The following FAM149A variants were observed in gnomAD, a reference collection of about 807,000 sequenced individuals.
The protein encoded by FAM149A is family with sequence similarity 149 member A.
A neutral mutation model predicts 78.2 loss-of-function variants in FAM149A; 71 were observed. The ratio of observed to expected loss-of-function variants is 0.91; its 90% confidence interval spans 0.75 to 1.11. The LOEUF (loss-of-function observed/expected upper bound fraction) is 1.11, where lower values mean the gene tolerates loss of function less well. FAM149A is among the 50% of genes least tolerant of loss of function. FAM149A has a pLI of 0.00. For missense variants in FAM149A, 1,036 were observed against 971.0 expected (o/e 1.07, Z -0.89); for synonymous variants, 446 against 410.5 (o/e 1.09, Z -1.04).
intron 5 of FAM149A, among the ~76,000 whole-genome samples, chr4:186,154,216 C>A (rs1733844258): frequency 6.6e-6 from 1 of 152,172 alleles, no homozygotes. Flanking sequence ...ACAATGCAGT[C>A]CTTTCACTGC....
chr4:186,125,543 G>C (rs1424508124), intron 1 of FAM149A, among the ~76,000 whole-genome samples: 1 of 152,142 alleles, frequency 6.6e-6, no homozygotes, highest in African/African-American at 2.4e-5. Flanking sequence ...TATCCAAGCA[G>C]GGATGTCAAT....
intron 1 of FAM149A, chr4:186,127,278 G>A (rs528942850): frequency 7.1e-6 from 7 of 979,420 alleles, no homozygotes; most frequent in East Asian, 1.1e-4. Flanking sequence ...GGTTTCTTCC[G>A]GAGAGTTAGT....
chr4:186,105,348 TG>T lies in FAM149A; in HGVS notation c.276del (p.Thr93ProfsTer111). On this transcript the variant is annotated frameshift_variant, in exon 1 of 14. Transcript: ENST00000389354. LOFTEE classifies it high-confidence loss of function. ...GCCGCCAGCCGCGCCGCGGGAGCAGTGGGGACCCTGCTCTCTTGGCCCAGTA... is the reference window on the plus strand; with the variant it reads ...GCCGCCAGCCGCGCCGCGGGAGCAGTGGGACCCTGCTCTCTTGGCCCAGTA... 1 of 1,178,590 alleles carries T rather than the reference TG, an allele frequency of 8.5e-7. No homozygotes were observed. The highest frequency in any genetic ancestry group is 3.9e-5 in the Admixed American group (1 of 25,334). The allele number at this position is 1,178,590 out of a possible 1,614,324, so 73.0% of individuals were successfully genotyped here.
chr4:186,136,545 T>C (rs1305254339), intron 1 of FAM149A, among the ~76,000 whole-genome samples: 1 of 152,236 alleles, frequency 6.6e-6, no homozygotes, highest in Admixed American at 6.5e-5. Context: ...TTGAATAATG[T>C]ACTAATTCTA....
Position 186,154,476 on chromosome 4 carries a change from T to C in FAM149A, c.1067T>C (p.Ile356Thr), listed in dbSNP as rs371188963. 3.1e-6 allele frequency: 5 copies of C among 1,609,496 alleles called. No individual in the cohort carries two copies. In the African/African-American group the frequency reaches 6.7e-5, roughly 22 times the overall value. Reference sequence around the variant, plus strand: ...CTGTTTTTTTCCCATAGGTTGTGCATTTCTGGCTCTCAAATAGTCCCAGCA... The same window carrying C: ...CTGTTTTTTTCCCATAGGTTGTGCACTTCTGGCTCTCAAATAGTCCCAGCA... The change falls in exon 6 of 14, where the codon ATT becomes ACT. Residue 356 changes from isoleucine to threonine, a missense_variant. Coordinates refer to ENST00000389354, the MANE Select transcript of FAM149A (RefSeq NM_001367768.3).
In FAM149A at chr4:186,151,723, C is replaced by T. The variant is rs968818610; in HGVS notation, c.790-180C>T. 3 of 985,128 alleles carry T rather than the reference C, an allele frequency of 3.0e-6. No individual in the cohort carries two copies. The African/African-American group carries it at 5.2e-5, about 17-fold the overall frequency. The allele number at this position is 985,128 out of a possible 1,614,324, so 61.0% of individuals were successfully genotyped here. ...GAATCCGAGGCTCAGAATGAGATGG[C>T]ATTTCTCAGAAAGGTAACAGCTAGA... On this transcript the variant is annotated intron_variant, in intron 3 of 13. Transcript: ENST00000389354.
intron 11 of FAM149A, among the ~76,000 whole-genome samples, chr4:186,166,512 G>A (rs1342679578): frequency 6.6e-6 from 1 of 152,084 alleles, no homozygotes; most frequent in East Asian, 1.9e-4. Flanking sequence ...TTACCTGGAT[G>A]TGGTGGCACG....
intron 8 of FAM149A, among the ~76,000 whole-genome samples, chr4:186,159,677 C>G (rs2126508743): frequency 6.6e-6 from 1 of 152,176 alleles, no homozygotes; most frequent in South Asian, 2.1e-4. Context: ...CTACAGGGTC[C>G]AGCACATACT....
At chr4:186,137,051 C>T (rs2099323678) in intron 1 of FAM149A, among the ~76,000 whole-genome samples, 1 of 134,122 alleles carries the variant, frequency 7.5e-6, no homozygotes, top group Admixed American at 8.6e-5. Context: ...GTGTGTGGTA[C>T]ATATTCAGGA....
intron 1 of FAM149A, among the ~76,000 whole-genome samples, chr4:186,130,556 G>A: frequency 6.7e-6 from 1 of 150,176 alleles, no homozygotes; most frequent in East Asian, 2.0e-4. Flanking sequence ...ATGGGGTTTT[G>A]CCATGTTGCC....
intron 1 of FAM149A, among the ~76,000 whole-genome samples, chr4:186,111,180 G>A (rs1424880572): frequency 2.0e-5 from 3 of 149,368 alleles, no homozygotes; most frequent in Non-Finnish European, 3.0e-5. Flanking sequence ...TTTTTTGGCT[G>A]CATAAATGTC....
At chr4:186,155,163 T>A (rs767341326) in intron 6 of FAM149A, among the ~76,000 whole-genome samples, 1 of 152,134 alleles carries the variant, frequency 6.6e-6, no homozygotes, top group Admixed American at 6.5e-5. Context: ...AGACGGGGTT[T>A]CACCGTGTTA....
rs2099313667 is a variant in FAM149A, at chr4:186,116,331, G to C, written c.566+10689G>C. The C allele has an allele frequency of 1.2e-5, 4 of 341,526 alleles. No individual in the cohort carries two copies. The South Asian group carries it at 3.6e-4, about 31-fold the overall frequency. 21.2% of individuals were successfully genotyped at this position (341,526 alleles called of 1,614,324 possible). ...TGAGATGCACCCGGTACCTCAGATG[G>C]AAATGCAGAAATCACCCGTCTTCTG... On this transcript the variant is annotated intron_variant, in intron 1 of 13. Coordinates refer to ENST00000389354, the MANE Select transcript of FAM149A (RefSeq NM_001367768.3).
At chr4:186,153,180 A>C in intron 4 of FAM149A, 1 of 821,454 alleles carries the variant, frequency 1.2e-6, no homozygotes, top group Non-Finnish European at 1.5e-6. Flanking sequence ...GTCTTACATC[A>C]TTGATAGAAA....
chr4:186,113,334 C>CA (rs1283053383), intron 1 of FAM149A, among the ~76,000 whole-genome samples: 50 of 121,070 alleles, frequency 4.1e-4, no homozygotes, highest in African/African-American at 1.6e-3. Context: ...TTGATCCTTT[C>CA]AAAAAACCAG....
chr4:186,137,240 T>A lies in FAM149A; in HGVS notation c.567-11933T>A, dbSNP rs149125721. ...TGTACCCTTGGGAATTTACTGGATG[T>A]TGCTGACCCTCTTTTTTTTTTTTCT... On this transcript the variant is annotated intron_variant, in intron 1 of 13. Transcript: ENST00000389354. 5.2e-3 allele frequency among the ~76,000 whole-genome samples: 726 copies of A among 138,636 alleles called. 5 individuals are homozygous for A. Among genetic ancestry groups the A allele is most frequent in the African/African-American group, 0.019 (696 of 36,050 alleles). The allele number at this position is 138,636 out of a possible 152,430, so 91.0% of individuals were successfully genotyped here.
chr4:186,169,088 T>C (rs1183944227), intron 13 of FAM149A: 7 of 519,518 alleles, frequency 1.3e-5, no homozygotes, highest in East Asian at 1.5e-4. Context: ...TGGGAAGTAG[T>C]TGGAGCACAC....
Position 186,110,625 on chromosome 4 carries a change from A to G in FAM149A, c.566+4983A>G, listed in dbSNP as rs866355309. 4.2e-3 allele frequency among the ~76,000 whole-genome samples: 536 copies of G among 127,208 alleles called. 4 individuals are homozygous for G. The highest frequency in any genetic ancestry group is 0.016 in the African/African-American group (512 of 32,402). 83.5% of individuals were successfully genotyped at this position (127,208 alleles called of 152,430 possible). ...TGATCTCATTGTTCAATTCCCACCT[A>G]TGAGTGAGAATATGCGGTGTTTGGT... On this transcript the variant is annotated intron_variant, in intron 1 of 13. Coordinates refer to ENST00000389354, the MANE Select transcript of FAM149A (RefSeq NM_001367768.3).
chr4:186,173,146 G>T lies in FAM149A; in HGVS notation c.*1159G>T. On this transcript the variant is annotated 3_prime_UTR_variant, in exon 14 of 14. Coordinates refer to ENST00000389354, the MANE Select transcript of FAM149A (RefSeq NM_001367768.3). ...TTATAAACTATATACACACATATAT[G>T]TATCATATAAATGCATAATAAATTA... Among the ~76,000 whole-genome samples the T allele has an allele frequency of 8.9e-6, 1 of 112,086 alleles. No individual in the cohort carries two copies. Among genetic ancestry groups the T allele is most frequent in the African/African-American group, 2.8e-5 (1 of 35,680 alleles). The allele number at this position is 112,086 out of a possible 152,430, so 73.5% of individuals were successfully genotyped here.
Sources: allele counts gnomAD v4.1 joint callset (sites outside exome capture counted in the v4.1 genomes callset), GRCh38; gene constraint gnomAD v4.1.1; transcripts MANE v1.5; gene names NCBI Gene and HGNC (gene_info 2026-07-23, HGNC 2026-07-21).